STS: variants seen among roughly 807,000 people sequenced by gnomAD.
STS encodes the protein steroid sulfatase.
In STS, 7 loss-of-function variants were observed where a neutral mutation model predicts 26.8. The ratio of observed to expected loss-of-function variants is 0.26; its 90% CI spans 0.15 to 0.49. The LOEUF is 0.49. Among genes scored for constraint, STS ranks in the 20% least tolerant of loss-of-function variants. The pLI, the probability that STS is intolerant of heterozygous loss-of-function variation, is 0.98. For synonymous variants in STS, 199 were observed against 189.4 expected, an observed-to-expected ratio of 1.05 and a Z score of -0.42; for missense variants, 434 against 465.6, an observed-to-expected ratio of 0.93 and a Z score of 0.63.
intron 1 of STS, among the ~76,000 whole-genome samples, chrX:7,188,789 C>T (rs1933819538): frequency 9.0e-6 from 1 of 111,541 alleles, no homozygotes; most frequent in Non-Finnish European, 1.9e-5. Flanking sequence ...TTTCTTATCT[C>T]GCAAGGAGAG....
At chrX:7,335,861 A>G (rs1224683248) in intron 10 of STS, among the ~76,000 whole-genome samples, 3 of 111,876 alleles carry the variant, frequency 2.7e-5, no homozygotes, top group African/African-American at 9.8e-5. Flanking sequence ...TTTGTTAAAT[A>G]GGGAATCCTT....
intron 1 of STS, among the ~76,000 whole-genome samples, chrX:7,150,592 T>C (rs1932992297): frequency 8.9e-6 from 1 of 112,361 alleles, no homozygotes; most frequent in South Asian, 3.7e-4. Context: ...CTCACAGCGA[T>C]TGTGGAAGAG....
chrX:7,207,825 C>T (rs779517732), intron 2 of STS, among the ~76,000 whole-genome samples: 4 of 112,158 alleles, frequency 3.6e-5, no homozygotes, highest in Non-Finnish European at 5.6e-5. Flanking sequence ...CAGAAAGAAT[C>T]GGCTATTCGA....
At chrX:7,326,193 C>T (rs1387178623) in intron 9 of STS, among the ~76,000 whole-genome samples, 7 of 110,807 alleles carry the variant, frequency 6.3e-5, no homozygotes, top group Non-Finnish European at 1.3e-4. Context: ...TGGAGTGTCA[C>T]GATGCCTCCA....
chrX:7,280,751 C>G (rs1924817232), intron 7 of STS, among the ~76,000 whole-genome samples: 1 of 112,247 alleles, frequency 8.9e-6, no homozygotes, highest in Non-Finnish European at 1.9e-5. Context: ...CACTCAGAGC[C>G]CTGTGCTATT....
At chrX:7,216,162 A>T (rs1187897145) in intron 2 of STS, among the ~76,000 whole-genome samples, 1 of 112,042 alleles carries the variant, frequency 8.9e-6, no homozygotes, top group Non-Finnish European at 1.9e-5. Flanking sequence ...CAGTGATACA[A>T]CTGACATCTT....
intron 9 of STS, among the ~76,000 whole-genome samples, chrX:7,325,965 G>A (rs1927436705): frequency 8.9e-6 from 1 of 112,000 alleles, no homozygotes; most frequent in Admixed American, 9.5e-5. Context: ...ATTTATTTAT[G>A]GGCAGTTTTT....
chrX:7,345,002 G>T (rs1030516533), intron 10 of STS, among the ~76,000 whole-genome samples: 5 of 111,162 alleles, frequency 4.5e-5, no homozygotes, highest in Non-Finnish European at 9.4e-5. Flanking sequence ...GCTCTAAGTA[G>T]AGAATTCAGA....
chrX:7,227,122 T>C (rs1921844563), intron 2 of STS, among the ~76,000 whole-genome samples: 1 of 112,196 alleles, frequency 8.9e-6, no homozygotes, highest in African/African-American at 3.2e-5. Context: ...TCAATTGTTT[T>C]ACCCATTTCA....
intron 2 of STS, among the ~76,000 whole-genome samples, chrX:7,230,395 C>A (rs1055509199): frequency 9.0e-6 from 1 of 110,956 alleles, no homozygotes; most frequent in African/African-American, 3.3e-5. Context: ...ATGTTCATAG[C>A]GGCATTATTC....
intron 5 of STS, among the ~76,000 whole-genome samples, chrX:7,257,973 TAGAC>T (rs1923509545): frequency 9.1e-6 from 1 of 110,338 alleles, no homozygotes; most frequent in African/African-American, 3.3e-5. Context: ...GCTAGCTAGA[TAGAC>T]AGATGCAGAG....
intron 10 of STS, among the ~76,000 whole-genome samples, chrX:7,343,760 C>A (rs767932146): frequency 8.9e-6 from 1 of 112,034 alleles, no homozygotes; most frequent in Non-Finnish European, 1.9e-5. Flanking sequence ...CCGCCAGCAC[C>A]CCCCGCCCCT....
At chrX:7,197,755 A>G (rs765460903) in intron 2 of STS, among the ~76,000 whole-genome samples, 1 of 111,533 alleles carries the variant, frequency 9.0e-6, no homozygotes, top group South Asian at 3.8e-4. Flanking sequence ...TCTAGAGGCT[A>G]GGAACACCTA....
Position 7,350,332 on chromosome X carries a change from G to C in STS, c.*71G>C. ...TTCACTACAAACACGCCTGAGAGTG[G>C]CACTGGGGAAACATAACTCCATCTA... On this transcript the variant is annotated 3_prime_UTR_variant, in exon 11 of 11. Transcript: ENST00000674429. 8.8e-7 allele frequency: 1 copy of C among 1,132,720 alleles called. No homozygotes were observed. The highest frequency in any genetic ancestry group is 1.2e-6 in the Non-Finnish European group (1 of 848,969). The allele number at this position is 1,132,720 out of a possible 1,213,427, so 93.3% of individuals were successfully genotyped here. A position where few individuals can be genotyped will look rare whatever the true frequency, so the allele number is the denominator to read the frequency against.
At chrX:7,220,543 ATTTTTT>A (rs769097559) in intron 2 of STS, among the ~76,000 whole-genome samples, 1 of 64,977 alleles carries the variant, frequency 1.5e-5, no homozygotes. Flanking sequence ...TGGATGTCAG[ATTTTTT>A]TTTTTTTTTT....
chrX:7,328,220 TA>T (rs1218878479), intron 9 of STS, among the ~76,000 whole-genome samples: 1 of 112,068 alleles, frequency 8.9e-6, no homozygotes, highest in East Asian at 2.8e-4. Context: ...CCCATAATGT[TA>T]AAACCATCAC....
chrX:7,148,844 A>C (rs1393287837), intron 1 of STS, among the ~76,000 whole-genome samples: 1 of 112,381 alleles, frequency 8.9e-6, no homozygotes, highest in Non-Finnish European at 1.9e-5. Context: ...ACTAACAGTC[A>C]ACATGTCTTG....
intron 6 of STS, among the ~76,000 whole-genome samples, chrX:7,260,042 A>AT (rs1228753488): frequency 9.0e-6 from 1 of 111,094 alleles, no homozygotes; most frequent in African/African-American, 3.3e-5. Context: ...CACCTGGCTA[A>AT]TTTTTTGTAT....
At position 7,354,320 on chromosome X, in the gene STS, A is replaced by G. The variant is rs1407652449; in HGVS notation, c.*4059A>G. 9.0e-6 allele frequency: 1 copy of G among 111,660 alleles called. No homozygotes were observed. The highest frequency in any genetic ancestry group is 1.9e-5 in the Non-Finnish European group (1 of 53,186). 9.2% of individuals were successfully genotyped at this position (111,660 alleles called of 1,213,427 possible). ...GTTTTCCATGGTGTATTCAGAGCTG[A>G]GTCCAGTCTCTCTCCCCTACTACAA... On this transcript the variant is annotated 3_prime_UTR_variant, in exon 11 of 11. Coordinates refer to ENST00000674429, the MANE Select transcript of STS (RefSeq NM_001320752.2).
Sources: gnomAD v4.1 joint callset for allele counts (sites outside exome capture counted in the v4.1 genomes callset) on GRCh38, gnomAD v4.1.1 for gene constraint, MANE v1.5 for transcripts, NCBI Gene and HGNC (gene_info 2026-07-23, HGNC 2026-07-21) for gene names.